Variants in LINC00632 observed in about 807,000 individuals in gnomAD.
LINC00632 encodes the protein ALDOA related specific transcript.
chrX:140,723,356 CCA>C (rs747046766), intron 2 of LINC00632, among the ~76,000 whole-genome samples: 72 of 1,611 alleles, frequency 0.045, no homozygotes, highest in Middle Eastern at 0.25. Context: ...TCGATACATT[CCA>C]CACACACACA....
At chrX:140,743,263 A>AATAGAGATTT (rs1348935588) in intron 3 of LINC00632, among the ~76,000 whole-genome samples, 2 of 99,012 alleles carry the variant, frequency 2.0e-5, no homozygotes, top group African/African-American at 3.6e-5. Context: ...AAAAAAAAGA[A>AATAGAGATTT]ATAGAGATTT....
intron 3 of LINC00632, among the ~76,000 whole-genome samples, chrX:140,756,494 T>C (rs1424979418): frequency 9.0e-6 from 1 of 111,447 alleles, no homozygotes; most frequent in Non-Finnish European, 1.9e-5. Context: ...AGAAGCTCTA[T>C]GGAATAGGGG....
intron 3 of LINC00632, among the ~76,000 whole-genome samples, chrX:140,741,329 G>A (rs1259937958): frequency 8.9e-6 from 1 of 112,161 alleles, no homozygotes; most frequent in Non-Finnish European, 1.9e-5. Flanking sequence ...TGAATACAGA[G>A]TAAATATTCC....
intron 3 of LINC00632, among the ~76,000 whole-genome samples, chrX:140,737,024 C>A (rs1367872377): frequency 9.4e-6 from 1 of 106,293 alleles, no homozygotes; most frequent in Non-Finnish European, 1.9e-5. Context: ...CTCAGCCTCC[C>A]GAGTAGCTGT....
chrX:140,755,468 T>C (rs1024610935), intron 3 of LINC00632, among the ~76,000 whole-genome samples: 1 of 112,415 alleles, frequency 8.9e-6, no homozygotes, highest in Non-Finnish European at 1.9e-5. Context: ...TTAACTTCTC[T>C]GAGCTCCACT....
At chrX:140,725,617 A>G (rs1930947974) in intron 2 of LINC00632, among the ~76,000 whole-genome samples, 1 of 112,064 alleles carries the variant, frequency 8.9e-6, no homozygotes, top group African/African-American at 3.2e-5. Flanking sequence ...CACAACACAC[A>G]TGAACACTGA....
At chrX:140,779,594 A>G (rs749608512) in exon 5 of LINC00632, among the ~76,000 whole-genome samples, 140 of 111,803 alleles carry the variant, frequency 1.3e-3, no homozygotes, top group African/African-American at 4.4e-3. Flanking sequence ...AATATGATGT[A>G]CTATGAACAG....
exon 5 of LINC00632, chrX:140,783,779 G>A (rs1168593640): frequency 3.3e-6 from 4 of 1,208,087 alleles, no homozygotes; most frequent in Non-Finnish European, 3.4e-6. Context: ...ATGTCTTCCT[G>A]AAGATCCACG....
At chrX:140,789,185 TATTAAC>T (rs1473469846) in exon 5 of LINC00632, among the ~76,000 whole-genome samples, 1 of 108,774 alleles carries the variant, frequency 9.2e-6, no homozygotes, top group African/African-American at 3.3e-5. Flanking sequence ...GATATGTTAT[TATTAAC>T]ATTAAATGTT....
chrX:140,722,095 C>T (rs1930736893), intron 2 of LINC00632, among the ~76,000 whole-genome samples: 1 of 111,521 alleles, frequency 9.0e-6, no homozygotes, highest in South Asian at 3.8e-4. Context: ...AACATCAAGA[C>T]TTTCCACACA....
chrX:140,763,557 A>C (rs1931635747), intron 3 of LINC00632, among the ~76,000 whole-genome samples: 1 of 111,406 alleles, frequency 9.0e-6, no homozygotes, highest in Non-Finnish European at 1.9e-5. Context: ...GGGTGAACTA[A>C]ATTGCTAAGT....
At chrX:140,737,010 G>A (rs993304060) in intron 3 of LINC00632, among the ~76,000 whole-genome samples, 2 of 101,187 alleles carry the variant, frequency 2.0e-5, no homozygotes, top group Admixed American at 2.2e-4. Context: ...AGTGAGTCTC[G>A]TGCCTCAGCC....
At chrX:140,763,123 C>T (rs1033592696) in intron 3 of LINC00632, among the ~76,000 whole-genome samples, 5 of 111,947 alleles carry the variant, frequency 4.5e-5, no homozygotes, top group African/African-American at 1.3e-4. Context: ...AGGCCAGGCG[C>T]GGTGGCTCAC....
At chrX:140,709,920 AATC>A (rs1326398592) in intron 1 of LINC00632, 4 of 252,289 alleles carry the variant, frequency 1.6e-5, no homozygotes, top group Middle Eastern at 8.0e-4. Context: ...CTCTGATTCT[AATC>A]AGCAGCATTG....
intron 3 of LINC00632, among the ~76,000 whole-genome samples, chrX:140,770,196 C>T (rs1831812624): frequency 9.0e-6 from 1 of 111,157 alleles, no homozygotes; most frequent in Non-Finnish European, 1.9e-5. Context: ...GGGCTGCATT[C>T]CCAGGAGGTT....
At chrX:140,757,474 T>A (rs1259690265) in intron 3 of LINC00632, among the ~76,000 whole-genome samples, 1 of 111,202 alleles carries the variant, frequency 9.0e-6, no homozygotes, top group Non-Finnish European at 1.9e-5. Context: ...AGTTCTTAAT[T>A]AGAAGGGCAG....
intron 3 of LINC00632, among the ~76,000 whole-genome samples, chrX:140,759,898 G>C (rs757481265): frequency 2.7e-5 from 3 of 111,453 alleles, no homozygotes; most frequent in Non-Finnish European, 5.7e-5. Context: ...GTGTCACAAG[G>C]AAGAAAAAAA....
chrX:140,724,716 GAC>G (rs1158279784), intron 2 of LINC00632, among the ~76,000 whole-genome samples: 4 of 37,520 alleles, frequency 1.1e-4, no homozygotes, highest in Non-Finnish European at 2.3e-4. Flanking sequence ...CACACACACA[GAC>G]ACATTCCATA....
chrX:140,765,568 G>C (rs1440816133), intron 3 of LINC00632, among the ~76,000 whole-genome samples: 1 of 111,938 alleles, frequency 8.9e-6, no homozygotes, highest in East Asian at 2.8e-4. Context: ...GAGATTCCTT[G>C]TTCCTCTCTA....
Sources: allele counts gnomAD v4.1 joint callset (sites outside exome capture counted in the v4.1 genomes callset), GRCh38; gene constraint gnomAD v4.1.1; transcripts MANE v1.5; gene names NCBI Gene and HGNC (gene_info 2026-07-23, HGNC 2026-07-21).